The following CCDC192 variants were observed in gnomAD, a reference collection of about 807,000 sequenced individuals.
CCDC192 encodes coiled-coil domain containing 192, also known as coiled-coil domain-containing protein 192.
chr5:127,719,546 TATATATATATATACACACATAC>T (rs1561445029), intron 2 of CCDC192, among the ~76,000 whole-genome samples: 19 of 33,140 alleles, frequency 5.7e-4, no homozygotes, highest in Middle Eastern at 0.028. Flanking sequence ...TATATATATA[TATATATATATATACACACATAC>T]ATATATATAT....
At chr5:127,825,180 C>T (rs894241496) in intron 5 of CCDC192, among the ~76,000 whole-genome samples, 10 of 152,140 alleles carry the variant, frequency 6.6e-5, no homozygotes, top group African/African-American at 2.4e-4. Context: ...TACTTATTTT[C>T]TAATCTATTA....
At chr5:127,827,454 A>T (rs1032638975) in intron 5 of CCDC192, among the ~76,000 whole-genome samples, 1 of 152,208 alleles carries the variant, frequency 6.6e-6, no homozygotes, top group Non-Finnish European at 1.5e-5. Flanking sequence ...TTGTTTAGAA[A>T]ATTAGCTTAT....
chr5:127,911,360 G>A (rs1049678839), intron 6 of CCDC192, among the ~76,000 whole-genome samples: 2 of 152,196 alleles, frequency 1.3e-5, no homozygotes, highest in Non-Finnish European at 2.9e-5. Flanking sequence ...CTGAAGAGAA[G>A]CTGGGAGCTA....
intron 5 of CCDC192, among the ~76,000 whole-genome samples, chr5:127,839,154 T>C (rs944555583): frequency 6.6e-6 from 1 of 152,198 alleles, no homozygotes; most frequent in Non-Finnish European, 1.5e-5. Flanking sequence ...GTTCTTGGAA[T>C]GCTAAGGCAA....
intron 2 of CCDC192, among the ~76,000 whole-genome samples, chr5:127,739,126 G>A (rs1177716373): frequency 6.6e-6 from 1 of 152,082 alleles, no homozygotes. Flanking sequence ...TGTCCTTTCT[G>A]TTTGTTAGTT....
chr5:127,905,907 T>G (rs2127171511), intron 6 of CCDC192, among the ~76,000 whole-genome samples: 1 of 152,326 alleles, frequency 6.6e-6, no homozygotes, highest in Middle Eastern at 3.4e-3. Context: ...GAGAGAGATA[T>G]CATTCCTGAG....
At chr5:127,728,609 C>T (rs1197247263) in intron 2 of CCDC192, among the ~76,000 whole-genome samples, 1 of 152,174 alleles carries the variant, frequency 6.6e-6, no homozygotes, top group African/African-American at 2.4e-5. Context: ...AGTACAAAGA[C>T]CAATGACACT....
At chr5:127,885,805 A>T (rs1001647377) in intron 6 of CCDC192, among the ~76,000 whole-genome samples, 1 of 152,082 alleles carries the variant, frequency 6.6e-6, no homozygotes, top group Non-Finnish European at 1.5e-5. Context: ...TTAGATATAT[A>T]CCTCTGTGCA....
chr5:127,876,498 T>C (rs1752084744), intron 6 of CCDC192, among the ~76,000 whole-genome samples: 1 of 152,190 alleles, frequency 6.6e-6, no homozygotes, highest in South Asian at 2.1e-4. Context: ...GACCATACCC[T>C]AGTGTGCCTT....
chr5:127,933,919 G>A (rs1304097952), intron 6 of CCDC192, among the ~76,000 whole-genome samples: 2 of 152,166 alleles, frequency 1.3e-5, no homozygotes, highest in South Asian at 2.1e-4. Context: ...CACTTTGATC[G>A]TCAACTTCCC....
At chr5:127,755,006 C>G (rs1186541588) in intron 3 of CCDC192, among the ~76,000 whole-genome samples, 1 of 152,128 alleles carries the variant, frequency 6.6e-6, no homozygotes, top group African/African-American at 2.4e-5. Flanking sequence ...TGGAACATTT[C>G]CCAATAAGAT....
At chr5:127,800,302 GT>G (rs1190015229) in intron 5 of CCDC192, among the ~76,000 whole-genome samples, 5 of 131,454 alleles carry the variant, frequency 3.8e-5, no homozygotes, top group African/African-American at 1.4e-4. Flanking sequence ...TTAGAGATCT[GT>G]AGTGTTTTAA....
In CCDC192 at chr5:127,798,119, T is replaced by C; in HGVS notation, c.368T>C (p.Leu123Ser). ...VLVKDQCIQKLQAEVKASQEQ... is the reference protein window; with the variant it reads ...VLVKDQCIQKSQAEVKASQEQ... ...TCTCCTTTTCAGTGCATCCAGAAAT[T>C]GCAAGCTGAAGTAAAAGCTTCCCAG... is the stretch of plus-strand genomic sequence containing the variant. The change falls in exon 5 of 7, where the codon TTG (leucine) becomes TCG (serine). Residue 123 changes from leucine to serine, a missense_variant. Physicochemically the swap from Leu to Ser is moderately radical, Grantham distance 145 (BLOSUM62 -2). Transcript: ENST00000514853. The C allele has an allele frequency of 5.0e-6, 2 of 398,380 alleles. No individual in the cohort carries two copies. Among genetic ancestry groups the C allele is most frequent in the Non-Finnish European group, 8.9e-6 (2 of 225,596 alleles). The allele number at this position is 398,380 out of a possible 1,614,324, so 24.7% of individuals were successfully genotyped here.
At chr5:127,753,731 C>G (rs1385195230) in intron 2 of CCDC192, among the ~76,000 whole-genome samples, 15 of 151,262 alleles carry the variant, frequency 9.9e-5, no homozygotes, top group Non-Finnish European at 2.1e-4. Context: ...CAGGCAGAGT[C>G]TACACATCTG....
chr5:127,926,241 A>G (rs1025258554), intron 6 of CCDC192, among the ~76,000 whole-genome samples: 7 of 152,186 alleles, frequency 4.6e-5, no homozygotes, highest in Non-Finnish European at 7.3e-5. Flanking sequence ...TCTATCTATT[A>G]AGCTAGGTTG....
chr5:127,758,267 C>G (rs147569104), intron 3 of CCDC192, among the ~76,000 whole-genome samples: 1 of 152,246 alleles, frequency 6.6e-6, no homozygotes, highest in African/African-American at 2.4e-5. Context: ...TCTCCTTCAG[C>G]AAGGTCCACT....
At chr5:127,779,919 G>C (rs1369770297) in intron 3 of CCDC192, among the ~76,000 whole-genome samples, 1 of 151,456 alleles carries the variant, frequency 6.6e-6, no homozygotes, top group Non-Finnish European at 1.5e-5. Flanking sequence ...AAAGTCCACT[G>C]TATTATTCTT....
At chr5:127,749,754 TG>T (rs1293175242) in intron 2 of CCDC192, among the ~76,000 whole-genome samples, 1 of 152,184 alleles carries the variant, frequency 6.6e-6, no homozygotes, top group African/African-American at 2.4e-5. Flanking sequence ...GGACTCTTTT[TG>T]GTTGGTAAGC....
chr5:127,763,148 C>T (rs988629505), intron 3 of CCDC192, among the ~76,000 whole-genome samples: 1 of 152,088 alleles, frequency 6.6e-6, no homozygotes, highest in Non-Finnish European at 1.5e-5. Flanking sequence ...TCTTCCCTGA[C>T]TTCAGACCTA....
Sources: gnomAD v4.1 joint callset for allele counts (sites outside exome capture counted in the v4.1 genomes callset) on GRCh38, gnomAD v4.1.1 for gene constraint, MANE v1.5 for transcripts, NCBI Gene and HGNC (gene_info 2026-07-23, HGNC 2026-07-21) for gene names.